The following PRIM2 variants were observed in gnomAD, a reference collection of about 807,000 sequenced individuals.
PRIM2 encodes the protein DNA primase subunit 2.
In PRIM2, 39 loss-of-function variants were observed where a neutral mutation model predicts 67.3. The ratio of observed to expected loss-of-function variants is 0.58; its 90% confidence interval spans 0.45 to 0.76. PRIM2 has a LOEUF of 0.76. PRIM2 is among the 30% of genes least tolerant of loss of function. The pLI, the probability that PRIM2 is intolerant of heterozygous loss-of-function variation, is 0.00. For synonymous variants in PRIM2, 143 were observed against 198.7 expected (o/e 0.72, Z 2.36); for missense variants, 398 against 598.7 (o/e 0.66, Z 3.50).
chr6:57,311,237 C>T (rs78152458), upstream of PRIM2, among the ~76,000 whole-genome samples: 2,366 of 28,358 alleles, frequency 0.083, 1 homozygote, highest in East Asian at 0.17. Flanking sequence ...CCTCACCTCC[C>T]GGACGGGGCA....
intron 10 of PRIM2, among the ~76,000 whole-genome samples, chr6:57,576,326 T>G (rs1775964733): frequency 6.6e-6 from 1 of 151,870 alleles, no homozygotes; most frequent in Non-Finnish European, 1.5e-5. Flanking sequence ...TTGTCTTATC[T>G]TTTTCTATTA....
intron 7 of PRIM2, among the ~76,000 whole-genome samples, chr6:57,504,758 T>C (rs1211442505): frequency 1.1e-4 from 17 of 152,358 alleles, no homozygotes; most frequent in African/African-American, 3.1e-4. Flanking sequence ...TGGATAGATA[T>C]AGCTTTCTAG....
intron 5 of PRIM2, among the ~76,000 whole-genome samples, chr6:57,357,662 C>T (rs1342666455): frequency 5.3e-5 from 8 of 150,144 alleles, no homozygotes; most frequent in South Asian, 2.1e-4. Flanking sequence ...GGTGCGATCT[C>T]GGCTCACTGA....
At position 57,646,022 on chromosome 6, in the gene PRIM2, C is replaced by G. The variant is rs1777328272; in HGVS notation, c.1394C>G (p.Pro465Arg). Residue 465 changes from proline to arginine, a missense_variant, in exon 14 of 14, where the codon CCT (proline) becomes CGT (arginine). This residue lies in a region of PRIM2 where 72 missense variants were observed against 89.4 expected (regional missense o/e 0.81). Coordinates refer to ENST00000615550, the MANE Select transcript of PRIM2 (RefSeq NM_000947.5). ...LNGGKDIKKE[P>R]IQPETPQPKP... ...GGTGGTAAAGACATAAAGAAGGAAC[C>G]TATCCAACCAGAAACTCCTCAACCC... The G allele has an allele frequency of 1.2e-6, 2 of 1,602,958 alleles. No homozygotes were observed. Among genetic ancestry groups the G allele is most frequent in the Non-Finnish European group, 1.7e-6 (2 of 1,170,058 alleles).
At chr6:57,483,369 C>T (rs1460541662) in intron 7 of PRIM2, among the ~76,000 whole-genome samples, 1 of 152,166 alleles carries the variant, frequency 6.6e-6, no homozygotes, top group Admixed American at 6.5e-5. Context: ...AACAATATGT[C>T]TTATAGTCCT....
At chr6:57,382,374 C>T in intron 7 of PRIM2, 1 of 474,732 alleles carries the variant, frequency 2.1e-6, no homozygotes, top group Non-Finnish European at 3.6e-6. Flanking sequence ...AGTTTTTTTT[C>T]TTGATCCTAC....
intron 5 of PRIM2, among the ~76,000 whole-genome samples, chr6:57,371,346 CTATAT>C (rs1769550742): frequency 6.6e-6 from 1 of 151,846 alleles, no homozygotes; most frequent in African/African-American, 2.4e-5. Flanking sequence ...AGGTGAGATA[CTATAT>C]TATGCTAGGT....
At chr6:57,367,640 G>T (rs1038107732) in intron 5 of PRIM2, among the ~76,000 whole-genome samples, 4 of 152,150 alleles carry the variant, frequency 2.6e-5, no homozygotes, top group Non-Finnish European at 5.9e-5. Context: ...ATTATATATG[G>T]GCTTTCTTAG....
At chr6:57,519,594 T>C (rs1337680986) in intron 8 of PRIM2, among the ~76,000 whole-genome samples, 1 of 152,318 alleles carries the variant, frequency 6.6e-6, no homozygotes, top group East Asian at 1.9e-4. Flanking sequence ...ATTGCTGTTA[T>C]CTTGTTCTTT....
intron 10 of PRIM2, among the ~76,000 whole-genome samples, chr6:57,589,307 C>G (rs1776245484): frequency 6.6e-6 from 1 of 152,146 alleles, no homozygotes; most frequent in Admixed American, 6.5e-5. Flanking sequence ...AATGTTCTCT[C>G]TTCTATTAGC....
chr6:57,510,919 A>C (rs1299089614), intron 8 of PRIM2, among the ~76,000 whole-genome samples: 1,546 of 152,160 alleles, frequency 0.01, 23 homozygotes, highest in African/African-American at 0.035. Flanking sequence ...ATTTGCATGA[A>C]CTGTGTAATT....
chr6:57,257,294 G>A, the PRIM2 span, among the ~76,000 whole-genome samples: 1 of 147,360 alleles, frequency 6.8e-6, no homozygotes, highest in Non-Finnish European at 1.5e-5. Context: ...TTTGTGAGAT[G>A]GAGTCTTGCT....
At chr6:57,431,222 T>A (rs1247336330) in intron 7 of PRIM2, among the ~76,000 whole-genome samples, 1 of 152,152 alleles carries the variant, frequency 6.6e-6, no homozygotes, top group South Asian at 2.1e-4. Context: ...TTCTGTTATA[T>A]GTAGCACAAT....
At chr6:57,490,440 G>A (rs1773862530) in intron 7 of PRIM2, among the ~76,000 whole-genome samples, 1 of 152,058 alleles carries the variant, frequency 6.6e-6, no homozygotes, top group African/African-American at 2.4e-5. Context: ...GCCAAAATAA[G>A]TATATGGAGA....
the PRIM2 span, among the ~76,000 whole-genome samples, chr6:57,229,143 C>G: frequency 0.96 from 145,650 of 152,334 alleles, 69,660 homozygotes; most frequent in South Asian, 0.99. Flanking sequence ...TTCAGTTCTG[C>G]AAAATTCTCA....
rs1258590738 is a variant in PRIM2 at position 57,532,528 on chromosome 6, G to T, written c.834+45G>T. 1.6e-4 allele frequency: 148 copies of T among 935,318 alleles called. 2 individuals are homozygous for T. The Middle Eastern group carries it at 2.3e-3, about 15-fold the overall frequency. 57.9% of individuals were successfully genotyped at this position (935,318 alleles called of 1,614,324 possible). The stretch of plus-strand genomic sequence containing the variant: ...AAACTTAGAACTTTATCAATGGAGG[G>T]AACATAGATTTTCTTAAATCAAAGA... On this transcript the variant is annotated intron_variant, in intron 9 of 13. Coordinates refer to ENST00000615550, the MANE Select transcript of PRIM2 (RefSeq NM_000947.5).
chr6:57,539,640 GTGTGTGTGTGTGTGTGTATATA>G lies in PRIM2; in HGVS notation c.1020+2017_1020+2038del, dbSNP rs1260068839. On this transcript the variant is annotated intron_variant, in intron 10 of 13. Transcript: ENST00000615550. Reference sequence around the variant, plus strand: ...TGTGTGTGTGTGTGTGTGTGTGTGTGTGTGTGTGTGTGTGTGTATATATATATATATATGCATTCACCAGGAA... The same window carrying G: ...TGTGTGTGTGTGTGTGTGTGTGTGTGTATATATATATGCATTCACCAGGAA... Among the ~76,000 whole-genome samples, 426 of 70,988 alleles carry G rather than the reference GTGTGTGTGTGTGTGTGTATATA, an allele frequency of 6.0e-3. 2 individuals are homozygous for G. Among genetic ancestry groups the G allele is most frequent in the Admixed American group, 0.011 (76 of 7,010 alleles). The allele number at this position is 70,988 out of a possible 152,430, so 46.6% of individuals were successfully genotyped here.
At chr6:57,311,891 G>C (rs1357193151), upstream of PRIM2, among the ~76,000 whole-genome samples, 2 of 152,080 alleles carry the variant, frequency 1.3e-5, no homozygotes, top group African/African-American at 4.8e-5. Flanking sequence ...GTCAGGAGTG[G>C]CGGCGCGTGC....
chr6:57,464,309 G>A (rs1773113014), intron 7 of PRIM2, among the ~76,000 whole-genome samples: 1 of 151,292 alleles, frequency 6.6e-6, no homozygotes, highest in Admixed American at 6.6e-5. Context: ...ATGGAGTCTT[G>A]CTCTGTCACC....
Sources: allele counts gnomAD v4.1 joint callset (sites outside exome capture counted in the v4.1 genomes callset), GRCh38; gene constraint gnomAD v4.1.1; regional missense constraint gnomAD v4.1.1; transcripts MANE v1.5; gene names NCBI Gene and HGNC (gene_info 2026-07-23, HGNC 2026-07-21).